The following PCDHGA5 variants were observed in gnomAD, a reference collection of about 807,000 sequenced individuals.
PCDHGA5 encodes the protein protocadherin gamma subfamily A, 5.
In PCDHGA5, 36 loss-of-function variants were observed where a neutral mutation model predicts 56.7. That is an observed-to-expected ratio of 0.64 (90% CI 0.49 to 0.84). The LOEUF (loss-of-function observed/expected upper bound fraction) is 0.84, where lower values mean the gene tolerates loss of function less well. PCDHGA5 is among the 40% of genes least tolerant of loss of function. PCDHGA5 has a pLI of 0.00. For missense variants in PCDHGA5, 1,305 were observed against 1,201.5 expected, an observed-to-expected ratio of 1.09 and a Z score of -1.27; for synonymous variants, 563 against 520.2, an observed-to-expected ratio of 1.08 and a Z score of -1.12.
In PCDHGA5 at chr5:141,366,505, T is replaced by G. The variant is rs368019745; in HGVS notation, c.2175T>G (p.Leu725=). ...RLRRWHKSRL[L]QAEGSRLAGV... The stretch of plus-strand genomic sequence containing the variant: ...GGCGCTGGCACAAGTCACGCCTGCT[T>G]CAGGCTGAAGGCAGCAGGTTGGCGG... Residue 725 remains leucine (L), a synonymous_variant, in exon 1 of 4, where the codon CTT becomes CTG. Coordinates refer to ENST00000518069, the MANE Select transcript of PCDHGA5 (RefSeq NM_018918.3). 1 of 1,614,136 alleles carries G rather than the reference T, an allele frequency of 6.2e-7. No homozygotes were observed. Among genetic ancestry groups the G allele is most frequent in the African/African-American group, 1.3e-5 (1 of 74,952 alleles).
chr5:141,509,684 C>G (rs572295300), intron 3 of PCDHGA5, among the ~76,000 whole-genome samples: 139 of 152,310 alleles, frequency 9.1e-4, no homozygotes, highest in Admixed American at 3.7e-3. Flanking sequence ...TTCTTCTGTA[C>G]AGTGGGACGT....
At chr5:141,507,798 GCCCT>G (rs2099863561) in intron 3 of PCDHGA5, among the ~76,000 whole-genome samples, 1 of 152,188 alleles carries the variant, frequency 6.6e-6, no homozygotes, top group Admixed American at 6.5e-5. Context: ...CTAAGCCTGC[GCCCT>G]GGGGAACGGA....
rs769865478 is a variant in PCDHGA5, at chr5:141,365,911, C to T, written c.1581C>T (p.Asp527=). The stretch of plus-strand genomic sequence containing the variant: ...CCTTCGACTATGAGCAGTTGAGAGA[C>T]CTACAGTTGTGGGTGACAGCCAGCG... The part of the protein sequence containing the change: ...LRSFDYEQLR[D]LQLWVTASDS... The change falls in exon 1 of 4, where the codon GAC becomes GAT. Residue 527 remains aspartate, a synonymous_variant. Transcript: ENST00000518069. 2.0e-5 allele frequency: 33 copies of T among 1,614,102 alleles called. No individual in the cohort carries two copies. Among genetic ancestry groups the T allele is most frequent in the African/African-American group, 2.7e-5 (2 of 74,928 alleles).
chr5:141,383,512 G>A (rs755956919), intron 1 of PCDHGA5: 4 of 1,612,576 alleles, frequency 2.5e-6, no homozygotes, highest in Non-Finnish European at 2.5e-6. Context: ...CCGGGAGGAA[G>A]AGCGGGTTCA....
intron 1 of PCDHGA5, among the ~76,000 whole-genome samples, chr5:141,425,918 C>T (rs901485843): frequency 1.1e-4 from 16 of 152,200 alleles, no homozygotes; most frequent in Admixed American, 2.0e-4. Flanking sequence ...ACAGTCACTA[C>T]GAAAACTCAT....
intron 1 of PCDHGA5, 96 bp from the exon 2 acceptor site, chr5:141,494,711 A>G (rs757105958): frequency 6.3e-7 from 1 of 1,599,616 alleles, no homozygotes; most frequent in Non-Finnish European, 8.5e-7. Flanking sequence ...CTCTGTGCCC[A>G]CTCCCCTCCT....
intron 1 of PCDHGA5, chr5:141,390,448 A>C (rs1023664408): frequency 3.5e-6 from 3 of 845,190 alleles, no homozygotes; most frequent in Non-Finnish European, 5.4e-6. Context: ...ACAAAGGAGG[A>C]GTAAAGTAGG....
chr5:141,388,004 A>G, intron 1 of PCDHGA5: 1 of 1,482,610 alleles, frequency 6.7e-7, no homozygotes, highest in Non-Finnish European at 9.1e-7. Context: ...TTCCCGAGGA[A>G]ATGCCCAAGG....
chr5:141,367,755 C>A (rs564169622), intron 1 of PCDHGA5: 1 of 152,184 alleles, frequency 6.6e-6, no homozygotes, highest in South Asian at 2.1e-4. Context: ...TTACATACTG[C>A]TGCACTCAAT....
intron 1 of PCDHGA5, chr5:141,382,716 C>G (rs11575956): frequency 0.036 from 17,699 of 487,890 alleles, 411 homozygotes; most frequent in Middle Eastern, 0.065. Flanking sequence ...CAGAAACCAC[C>G]GAGTTTTACA....
At chr5:141,449,521 G>A (rs1238503983) in intron 1 of PCDHGA5, among the ~76,000 whole-genome samples, 4 of 150,262 alleles carry the variant, frequency 2.7e-5, no homozygotes, top group African/African-American at 9.8e-5. Flanking sequence ...CCTGGGAGGC[G>A]GAGGTTGCAG....
At position 141,409,757 on chromosome 5, in the gene PCDHGA5, G is replaced by A; in HGVS notation, c.2421+43006G>A. The A allele has an allele frequency of 6.8e-6, 11 of 1,612,986 alleles. No individual in the cohort carries two copies. The highest frequency in any genetic ancestry group is 9.3e-6 in the Non-Finnish European group (11 of 1,179,838). ...GAGCGGGGTGGTGTTCGCGCAGCGCGCCTTTGATCACGAGCAGCTGCGCGC... is the reference window on the plus strand; with the variant it reads ...GAGCGGGGTGGTGTTCGCGCAGCGCACCTTTGATCACGAGCAGCTGCGCGC... On this transcript the variant is annotated intron_variant, in intron 1 of 3. Coordinates refer to ENST00000518069, the MANE Select transcript of PCDHGA5 (RefSeq NM_018918.3).
chr5:141,491,956 A>G lies in PCDHGA5; in HGVS notation c.2422-2851A>G, dbSNP rs2099735623. 1.9e-6 allele frequency: 2 copies of G among 1,035,704 alleles called. No homozygotes were observed. Among genetic ancestry groups the G allele is most frequent in the Non-Finnish European group, 2.7e-6 (2 of 749,368 alleles). The allele number at this position is 1,035,704 out of a possible 1,614,324, so 64.2% of individuals were successfully genotyped here. A position where few individuals can be genotyped will look rare whatever the true frequency, so the allele number is the denominator to read the frequency against. On this transcript the variant is annotated intron_variant, in intron 1 of 3. Transcript: ENST00000518069. This position sits in a 1 kb window ranked among gnomAD's most constrained non-coding sequence, Gnocchi z 6.9. Reference sequence around the variant, plus strand: ...GGACCGACCCCCACCCCTACACTCAAAAAAGGCCGGGGCCTCCTTCGAGCT... The same window carrying G: ...GGACCGACCCCCACCCCTACACTCAGAAAAGGCCGGGGCCTCCTTCGAGCT...
At chr5:141,468,428 T>C (rs936671539) in intron 1 of PCDHGA5, 11 of 151,374 alleles carry the variant, frequency 7.3e-5, no homozygotes, top group Non-Finnish European at 1.3e-4. Context: ...AGCAAGGTAA[T>C]AGCAAAATGT....
intron 1 of PCDHGA5, chr5:141,419,506 C>T (rs527369615): frequency 6.2e-7 from 1 of 1,612,352 alleles, no homozygotes; most frequent in Non-Finnish European, 8.5e-7. Context: ...TGAGCCTGCG[C>T]GTGTTGGTGG....
At chr5:141,473,102 C>T (rs1465515592) in intron 1 of PCDHGA5, among the ~76,000 whole-genome samples, 1 of 152,054 alleles carries the variant, frequency 6.6e-6, no homozygotes, top group Non-Finnish European at 1.5e-5. Flanking sequence ...AGTTGTATTA[C>T]CACACTTTAC....
At chr5:141,475,146 G>A (rs938308425) in intron 1 of PCDHGA5, among the ~76,000 whole-genome samples, 3 of 152,014 alleles carry the variant, frequency 2.0e-5, no homozygotes, top group African/African-American at 4.8e-5. Context: ...AATCTTCTCC[G>A]TCTTCTTCTT....
chr5:141,485,095 TC>T lies in PCDHGA5; in HGVS notation c.2422-9710del, dbSNP rs1040164730. ...GCGCGGGGAAAGGGAGATAGGTGTCTCCAGCTGCTGTGGCTGTTTGGGGCGG... is the reference window on the plus strand; with the variant it reads ...GCGCGGGGAAAGGGAGATAGGTGTCTCAGCTGCTGTGGCTGTTTGGGGCGG... On this transcript the variant is annotated intron_variant, in intron 1 of 3. Coordinates refer to ENST00000518069, the MANE Select transcript of PCDHGA5 (RefSeq NM_018918.3). This position sits in a 1 kb window ranked among gnomAD's most constrained non-coding sequence, Gnocchi z 5.7. 6.8e-5 allele frequency: 76 copies of T among 1,115,798 alleles called. No homozygotes were observed. Among genetic ancestry groups the T allele is most frequent in the South Asian group, 4.6e-4 (33 of 71,042 alleles). The allele number at this position is 1,115,798 out of a possible 1,614,324, so 69.1% of individuals were successfully genotyped here. A position where few individuals can be genotyped will look rare whatever the true frequency, so the allele number is the denominator to read the frequency against.
rs1196201183 is a variant in PCDHGA5, at chr5:141,490,944, G to A, written c.2422-3863G>A. ...ATGCCCCAGCTGTGCTGCACCCACG[G>A]CCAGACTGGGAACACTCAGCCCCCC... On this transcript the variant is annotated intron_variant, in intron 1 of 3. Transcript: ENST00000518069. This position sits in a 1 kb window ranked among gnomAD's most constrained non-coding sequence, Gnocchi z 5.4. 6.2e-7 allele frequency: 1 copy of A among 1,613,488 alleles called. No individual in the cohort carries two copies. The highest frequency in any genetic ancestry group is 1.3e-5 in the African/African-American group (1 of 74,906).
Sources: gnomAD v4.1 joint callset for allele counts (sites outside exome capture counted in the v4.1 genomes callset) on GRCh38, gnomAD v4.1.1 for gene constraint, Gnocchi (gnomAD v3.1) non-coding constraint, MANE v1.5 for transcripts, NCBI Gene and HGNC (gene_info 2026-07-23, HGNC 2026-07-21) for gene names.